Variants in EIF3J observed in about 807,000 individuals in gnomAD.
EIF3J encodes eukaryotic translation initiation factor 3, subunit 1 (alpha, 35kD).
A neutral mutation model predicts 39.0 loss-of-function variants in EIF3J; 15 were observed. The observed-to-expected ratio is 0.38, with a 90% CI of 0.26 to 0.59. The LOEUF (loss-of-function observed/expected upper bound fraction) is 0.59, where lower values mean the gene tolerates loss of function less well. Ranked by LOEUF, EIF3J falls within the 20% of genes least tolerant of loss-of-function variation. The pLI is 0.60. For missense variants in EIF3J, 226 were observed against 308.6 expected (o/e 0.73, Z 2.00); for synonymous variants, 98 against 112.9 (o/e 0.87, Z 0.84).
In EIF3J at chr15:44,554,679, T is replaced by C; in HGVS notation, c.409+12T>C. 1 of 1,564,594 alleles carries C rather than the reference T, an allele frequency of 6.4e-7. No individual in the cohort carries two copies. Among genetic ancestry groups the C allele is most frequent in the Non-Finnish European group, 8.8e-7 (1 of 1,138,036 alleles). On this transcript the variant is annotated intron_variant, in intron 5 of 7. Coordinates refer to ENST00000261868, the MANE Select transcript of EIF3J (RefSeq NM_003758.4). ...AAAGGAAACTTTTGGTAAGACGGGA[T>C]TATGATTGCAATACAGTATTAAACT...
intron 2 of EIF3J, among the ~76,000 whole-genome samples, chr15:44,540,150 G>A (rs2081998974): frequency 6.8e-6 from 1 of 147,982 alleles, no homozygotes; most frequent in Non-Finnish European, 1.5e-5. Context: ...TCTTGGCCAG[G>A]CCGGTCTTGA....
intron 2 of EIF3J, among the ~76,000 whole-genome samples, chr15:44,544,595 T>C (rs1469963505): frequency 6.6e-6 from 1 of 150,962 alleles, no homozygotes; most frequent in African/African-American, 2.4e-5. Flanking sequence ...TCCCAGCCAC[T>C]TGGGAGGCTG....
chr15:44,543,736 A>G (rs1052741642), intron 2 of EIF3J, among the ~76,000 whole-genome samples: 2 of 152,172 alleles, frequency 1.3e-5, no homozygotes, highest in African/African-American at 4.8e-5. Context: ...TGCTACTAAA[A>G]TCCATTCTGT....
At chr15:44,556,113 G>A (rs1183691192) in intron 5 of EIF3J, among the ~76,000 whole-genome samples, 1 of 152,004 alleles carries the variant, frequency 6.6e-6, no homozygotes, top group Non-Finnish European at 1.5e-5. Context: ...GTGATCTGCC[G>A]CCTTGGCCTC....
chr15:44,545,840 AT>A (rs1201232860), intron 2 of EIF3J, among the ~76,000 whole-genome samples: 1 of 152,244 alleles, frequency 6.6e-6, no homozygotes, highest in African/African-American at 2.4e-5. Flanking sequence ...ACTTTGGTCC[AT>A]TCAGAGCAGG....
At chr15:44,548,499 A>G (rs2082072301) in intron 2 of EIF3J, among the ~76,000 whole-genome samples, 1 of 152,232 alleles carries the variant, frequency 6.6e-6, no homozygotes. Context: ...AAGCCCAGAA[A>G]TAGACCAAGT....
chr15:44,546,544 G>A (rs1361097050), intron 2 of EIF3J, among the ~76,000 whole-genome samples: 45 of 152,174 alleles, frequency 3.0e-4, no homozygotes, highest in Non-Finnish European at 2.9e-5. Flanking sequence ...ATACTAGTCA[G>A]CCTTTGCTTC....
At chr15:44,538,225 C>T (rs933445607) in intron 2 of EIF3J, among the ~76,000 whole-genome samples, 14 of 149,806 alleles carry the variant, frequency 9.3e-5, no homozygotes, top group Non-Finnish European at 1.8e-4. Flanking sequence ...TTACCTCAGT[C>T]GTTTGATTTT....
chr15:44,560,991 C>T (rs759066787), intron 7 of EIF3J, 27 bp from the exon 8 acceptor site: 1 of 1,610,314 alleles, frequency 6.2e-7, no homozygotes, highest in South Asian at 1.1e-5. Context: ...CACTAAGGTT[C>T]ATGAATTAAC....
At chr15:44,539,706 G>C (rs926022945) in intron 2 of EIF3J, among the ~76,000 whole-genome samples, 7 of 149,254 alleles carry the variant, frequency 4.7e-5, no homozygotes, top group African/African-American at 1.5e-4. Context: ...GGCCCCAGTT[G>C]CTGTTTTAGT....
At chr15:44,556,615 T>G (rs2082146218) in intron 5 of EIF3J, among the ~76,000 whole-genome samples, 1 of 152,150 alleles carries the variant, frequency 6.6e-6, no homozygotes, top group Admixed American at 6.6e-5. Context: ...GAAGTGATTC[T>G]CGTGCCTCAG....
rs748728314 is a variant in EIF3J at position 44,554,613 on chromosome 15, C to T, written c.355C>T (p.Arg119Trp). Residue 119 changes from arginine (R) to tryptophan (W), a missense_variant, in exon 5 of 8, where the codon CGG becomes TGG. This residue lies in a region of EIF3J where 143 missense variants were observed against 156.0 expected (regional missense o/e 0.92). Transcript: ENST00000261868. ...AGAAGAACAATTAGCAGATAAACTG[C>T]GGCTAAAGAAATTACAGGAAGAGTC... ...TPEEQLADKL[R>W]LKKLQEESDL... 17 of 1,612,254 alleles carry T rather than the reference C, an allele frequency of 1.1e-5. No homozygotes were observed. The highest frequency in any genetic ancestry group is 4.5e-5 in the East Asian group (2 of 44,758).
At chr15:44,547,690 C>T (rs191283351) in intron 2 of EIF3J, among the ~76,000 whole-genome samples, 10 of 151,260 alleles carry the variant, frequency 6.6e-5, no homozygotes, top group South Asian at 2.1e-4. Context: ...CCTCGTGATC[C>T]GCCCACCTCA....
At chr15:44,544,351 G>T (rs1011591220) in intron 2 of EIF3J, among the ~76,000 whole-genome samples, 1 of 151,176 alleles carries the variant, frequency 6.6e-6, no homozygotes, top group Admixed American at 6.6e-5. Flanking sequence ...ACCCACCTTG[G>T]CCTTCCAAAG....
chr15:44,553,936 C>T (rs185958614), intron 4 of EIF3J, among the ~76,000 whole-genome samples: 1 of 152,176 alleles, frequency 6.6e-6, no homozygotes, highest in East Asian at 1.9e-4. Flanking sequence ...TCCACAGTCT[C>T]AATTCCTTTT....
intron 2 of EIF3J, among the ~76,000 whole-genome samples, chr15:44,540,160 A>T (rs2081999127): frequency 1.4e-5 from 2 of 146,974 alleles, no homozygotes; most frequent in African/African-American, 5.0e-5. Flanking sequence ...GCCGGTCTTG[A>T]ACTCCTGACT....
intron 2 of EIF3J, among the ~76,000 whole-genome samples, chr15:44,541,744 A>G (rs2082016159): frequency 6.6e-6 from 1 of 152,214 alleles, no homozygotes; most frequent in African/African-American, 2.4e-5. Flanking sequence ...TATTTTGAAG[A>G]GAGTGTGTGT....
At chr15:44,559,639 G>A (rs1033308127) in intron 6 of EIF3J, among the ~76,000 whole-genome samples, 2 of 151,602 alleles carry the variant, frequency 1.3e-5, no homozygotes, top group South Asian at 2.1e-4. Context: ...CCCGGGAGGC[G>A]CAGGTTGCAG....
At chr15:44,538,162 C>T (rs2081976583) in intron 2 of EIF3J, among the ~76,000 whole-genome samples, 1 of 151,998 alleles carries the variant, frequency 6.6e-6, no homozygotes, top group Admixed American at 6.6e-5. Context: ...ATGACGGGCC[C>T]GTGGTTTTTT....
Sources: gnomAD v4.1 joint callset for allele counts (sites outside exome capture counted in the v4.1 genomes callset) on GRCh38, gnomAD v4.1.1 for gene constraint, gnomAD v4.1.1 regional missense constraint, MANE v1.5 for transcripts, NCBI Gene and HGNC (gene_info 2026-07-23, HGNC 2026-07-21) for gene names.